The following POT1 variants were observed in gnomAD, a reference collection of about 807,000 sequenced individuals.
The protein encoded by POT1 is protection of telomeres protein 1.
In POT1, 47 loss-of-function variants were observed where a neutral mutation model predicts 78.5. That is an observed-to-expected ratio of 0.60 (90% confidence interval 0.47 to 0.76). POT1 has a LOEUF of 0.76. Among genes scored for constraint, POT1 ranks in the 30% least tolerant of loss-of-function variants. The probability of loss-of-function intolerance (pLI) is 0.00; values close to 1 mark genes in which losing one functional copy is unlikely to be tolerated. For missense variants in POT1, 646 were observed against 749.9 expected, an observed-to-expected ratio of 0.86 and a Z score of 1.62; for synonymous variants, 259 against 260.7, an observed-to-expected ratio of 0.99 and a Z score of 0.06.
At chr7:124,912,854 A>C (rs912180423) in intron 3 of POT1, among the ~76,000 whole-genome samples, 2 of 152,188 alleles carry the variant, frequency 1.3e-5, no homozygotes, top group Admixed American at 6.5e-5. Flanking sequence ...ACAGCCTCAA[A>C]AGATAAGATA....
chr7:124,882,439 T>C (rs552605624), intron 6 of POT1, among the ~76,000 whole-genome samples: 1 of 152,128 alleles, frequency 6.6e-6, no homozygotes, highest in South Asian at 2.1e-4. Context: ...TGGTGTGAGC[T>C]TACATAATTT....
At chr7:124,893,923 C>T (rs760328694) in intron 5 of POT1, among the ~76,000 whole-genome samples, 13 of 151,428 alleles carry the variant, frequency 8.6e-5, no homozygotes, top group Non-Finnish European at 1.6e-4. Context: ...ACAGTATTGG[C>T]TTATAACACA....
intron 3 of POT1, among the ~76,000 whole-genome samples, chr7:124,898,595 G>C (rs2116647464): frequency 6.6e-6 from 1 of 152,016 alleles, no homozygotes; most frequent in African/African-American, 2.4e-5. Flanking sequence ...TATAGCCACA[G>C]ATGACAATAA....
chr7:124,896,725 A>T (rs1299259543), intron 5 of POT1, among the ~76,000 whole-genome samples: 4 of 151,760 alleles, frequency 2.6e-5, no homozygotes, highest in Non-Finnish European at 5.9e-5. Context: ...GAAAATGGTT[A>T]AAAAGAAATG....
intron 5 of POT1, among the ~76,000 whole-genome samples, chr7:124,895,875 G>A (rs192900625): frequency 6.6e-6 from 1 of 151,618 alleles, no homozygotes; most frequent in East Asian, 1.9e-4. Flanking sequence ...TAAAAATATA[G>A]GGGATAGTTT....
rs1795312736 is a variant in POT1 at position 124,851,799 on chromosome 7, T to C, written c.949+73A>G. 11 of 1,037,730 alleles carry C rather than the reference T, an allele frequency of 1.1e-5. No homozygotes were observed. The East Asian group carries it at 1.7e-4, about 16-fold the overall frequency. 64.3% of individuals were successfully genotyped at this position (1,037,730 alleles called of 1,614,324 possible). ...AATAAGAGAGACAAAGAGAAGACAT[T>C]ACAAAGAATTATGTTGATAAAACTA... On this transcript the variant is annotated intron_variant, in intron 11 of 18. Coordinates refer to ENST00000357628, the MANE Select transcript of POT1 (RefSeq NM_015450.3).
chr7:124,922,462 G>T (rs1040101298), intron 2 of POT1, among the ~76,000 whole-genome samples: 1 of 151,946 alleles, frequency 6.6e-6, no homozygotes, highest in Non-Finnish European at 1.5e-5. Context: ...ACAGTTCAAT[G>T]AACAGGGGAG....
chr7:124,880,937 A>C (rs564317690), intron 6 of POT1, among the ~76,000 whole-genome samples: 47 of 152,164 alleles, frequency 3.1e-4, no homozygotes, highest in African/African-American at 1.0e-3. Flanking sequence ...CTTCCAAAAT[A>C]TCATCTACTT....
Position 124,823,896 on chromosome 7 carries a change from G to T in POT1, c.*66C>A. On this transcript the variant is annotated 3_prime_UTR_variant, in exon 19 of 19. Coordinates refer to ENST00000357628, the MANE Select transcript of POT1 (RefSeq NM_015450.3). ...CATTGCTGATACAAAACTCAGGTCA[G>T]GAAAAGAAGCTCAAACAGGGAAGGT... 9.7e-7 allele frequency: 1 copy of T among 1,034,572 alleles called. No individual in the cohort carries two copies. The allele number at this position is 1,034,572 out of a possible 1,614,324, so 64.1% of individuals were successfully genotyped here. A position where few individuals can be genotyped will look rare whatever the true frequency, so the allele number is the denominator to read the frequency against.
At chr7:124,893,790 C>A (rs1052465848) in intron 5 of POT1, among the ~76,000 whole-genome samples, 1 of 151,544 alleles carries the variant, frequency 6.6e-6, no homozygotes, top group African/African-American at 2.4e-5. Flanking sequence ...CCAGTATCTA[C>A]TCTTTAAAAC....
Position 124,913,152 on chromosome 7 carries a change from AT to A in POT1, c.-154+2421del, listed in dbSNP as rs375779149. ...AGCCAAGGAAAGACCCGCCTCCATA[AT>A]TCAATCACCTCCCACCAGGTTCCTC... On this transcript the variant is annotated intron_variant, in intron 3 of 18. Transcript: ENST00000357628. 3.9e-3 allele frequency among the ~76,000 whole-genome samples: 596 copies of A among 152,230 alleles called. 5 individuals are homozygous for A. Among genetic ancestry groups the A allele is most frequent in the African/African-American group, 0.012 (495 of 41,538 alleles).
At chr7:124,916,892 G>A (rs138031331) in intron 2 of POT1, among the ~76,000 whole-genome samples, 10 of 152,244 alleles carry the variant, frequency 6.6e-5, no homozygotes, top group African/African-American at 2.2e-4. Context: ...GTTACTGCAC[G>A]AAAGGCTGGA....
At chr7:124,916,599 T>C (rs1797020296) in intron 2 of POT1, among the ~76,000 whole-genome samples, 1 of 151,922 alleles carries the variant, frequency 6.6e-6, no homozygotes, top group African/African-American at 2.4e-5. Context: ...TTCCCTGAAA[T>C]GAGAAAAAAA....
At chr7:124,871,337 T>C (rs1795862817) in intron 6 of POT1, among the ~76,000 whole-genome samples, 4 of 151,970 alleles carry the variant, frequency 2.6e-5, no homozygotes, top group Admixed American at 2.6e-4. Context: ...TTACAAATCA[T>C]GAAACATAAA....
chr7:124,856,734 T>C (rs1265389159), intron 9 of POT1, among the ~76,000 whole-genome samples: 1 of 152,186 alleles, frequency 6.6e-6, no homozygotes, highest in Non-Finnish European at 1.5e-5. Context: ...AAGGAAGGTA[T>C]GCAGAGTGTG....
chr7:124,861,513 T>A (rs923319911), intron 8 of POT1, among the ~76,000 whole-genome samples: 1 of 147,724 alleles, frequency 6.8e-6, no homozygotes, highest in Non-Finnish European at 1.5e-5. Context: ...CTTTGTCAGA[T>A]GGACAGATTG....
chr7:124,835,216 C>G, intron 15 of POT1, 63 bp downstream of exon 15: 9 of 1,579,250 alleles, frequency 5.7e-6, no homozygotes, highest in Non-Finnish European at 7.8e-6. Context: ...ATGTTCAGCA[C>G]ATGACCCCAG....
At chr7:124,832,223 C>T (rs1794780537) in intron 15 of POT1, among the ~76,000 whole-genome samples, 2 of 118,248 alleles carry the variant, frequency 1.7e-5, no homozygotes, top group African/African-American at 6.6e-5. Flanking sequence ...CATGCCACTT[C>T]AGCCTGGGTA....
intron 15 of POT1, among the ~76,000 whole-genome samples, chr7:124,830,841 T>G (rs907892516): frequency 6.6e-6 from 1 of 151,616 alleles, no homozygotes; most frequent in Non-Finnish European, 1.5e-5. Context: ...CAAGAAACCA[T>G]AAAGTTAAAA....
Sources: gnomAD v4.1 joint callset for allele counts (sites outside exome capture counted in the v4.1 genomes callset) on GRCh38, gnomAD v4.1.1 for gene constraint, MANE v1.5 for transcripts, NCBI Gene and HGNC (gene_info 2026-07-23, HGNC 2026-07-21) for gene names.